Variants in RAPGEF5 observed in about 807,000 individuals in gnomAD.
RAPGEF5 encodes Rap guanine nucleotide exchange factor 5, also known as M-Ras-regulated GEF.
RAPGEF5 carries 65 observed loss-of-function variants against 125.2 expected under a neutral mutation model. The ratio of observed to expected loss-of-function variants is 0.52; its 90% CI spans 0.43 to 0.64. The LOEUF (loss-of-function observed/expected upper bound fraction) is 0.64. RAPGEF5 is among the 30% of genes least tolerant of loss of function. The pLI is 0.00. For synonymous variants in RAPGEF5, 391 were observed against 385.9 expected (o/e 1.01, Z -0.16); for missense variants, 958 against 1,048.1 (o/e 0.91, Z 1.19).
intron 9 of RAPGEF5, among the ~76,000 whole-genome samples, chr7:22,213,022 C>T (rs1219720603): frequency 1.3e-5 from 2 of 152,168 alleles, no homozygotes. Flanking sequence ...CCTTTGATAA[C>T]ATGAGTTTGA....
rs1331681666 is a variant in RAPGEF5, at chr7:22,154,439, G to A, written c.1786+16C>T. 2.7e-5 allele frequency: 43 copies of A among 1,612,444 alleles called. No individual in the cohort carries two copies. The highest frequency in any genetic ancestry group is 3.6e-5 in the Non-Finnish European group (42 of 1,179,320). ...ATCAGTGAAAGATTAATATTCAAGG[G>A]TAGAAAACAACTTACCCCCAGAGAA... On this transcript the variant is annotated intron_variant, in intron 17 of 25. Transcript: ENST00000665637.
At chr7:22,323,741 T>C (rs1040806538) in intron 1 of RAPGEF5, among the ~76,000 whole-genome samples, 2 of 152,186 alleles carry the variant, frequency 1.3e-5, no homozygotes, top group African/African-American at 4.8e-5. Flanking sequence ...AAATCTGGGA[T>C]GATTTGAACA....
intron 9 of RAPGEF5, among the ~76,000 whole-genome samples, chr7:22,196,234 C>T (rs1049619155): frequency 2.6e-5 from 4 of 152,148 alleles, no homozygotes; most frequent in Non-Finnish European, 5.9e-5. Context: ...TTACATCTGG[C>T]TCTCAAGAAG....
chr7:22,256,346 C>T (rs1261235232), intron 7 of RAPGEF5, among the ~76,000 whole-genome samples: 1 of 151,880 alleles, frequency 6.6e-6, no homozygotes, highest in Non-Finnish European at 1.5e-5. Flanking sequence ...TAAAATAGTC[C>T]CAAGGTTGTG....
chr7:22,190,418 G>A (rs1156866173), intron 11 of RAPGEF5, among the ~76,000 whole-genome samples: 9 of 152,184 alleles, frequency 5.9e-5, no homozygotes, highest in Admixed American at 2.6e-4. Flanking sequence ...GTGTGTGCGA[G>A]TCAACTCATT....
At position 22,219,876 on chromosome 7, in the gene RAPGEF5, T is replaced by G. The variant is rs774728114; in HGVS notation, c.986A>C (p.Lys329Thr). Residue 329 changes from lysine to threonine, a missense_variant, in exon 9 of 26, where the codon AAG (lysine) becomes ACG (threonine). By Grantham distance (78) the Lys-to-Thr change is moderately conservative. Coordinates refer to ENST00000665637, the MANE Select transcript of RAPGEF5 (RefSeq NM_012294.5). ...AGGCAAAAGGCTTACGTGTTCAGACTTCTCCTGTTCTTTTTTGTCCGTCTG... is the reference window on the plus strand; with the variant it reads ...AGGCAAAAGGCTTACGTGTTCAGACGTCTCCTGTTCTTTTTTGTCCGTCTG... Reference protein sequence around the residue: ...FLQTDKKEQEKSEHQDDEVTT... With the variant: ...FLQTDKKEQETSEHQDDEVTT... 4.3e-6 allele frequency: 7 copies of G among 1,611,836 alleles called. No homozygotes were observed.
chr7:22,281,136 G>C (rs1367436168), intron 6 of RAPGEF5, among the ~76,000 whole-genome samples: 2 of 152,054 alleles, frequency 1.3e-5, no homozygotes, highest in African/African-American at 2.4e-5. Flanking sequence ...AGGGTTCTGG[G>C]GTCTCTGAGC....
chr7:22,214,055 C>G (rs1287658529), intron 9 of RAPGEF5, among the ~76,000 whole-genome samples: 1 of 152,180 alleles, frequency 6.6e-6, no homozygotes, highest in Admixed American at 6.5e-5. Flanking sequence ...CCAGAATACT[C>G]CAAACCACTT....
intron 9 of RAPGEF5, 105 bp from the exon 10 acceptor site, chr7:22,194,138 T>G (rs1785091853): frequency 2.1e-6 from 2 of 964,528 alleles, no homozygotes; most frequent in African/African-American, 3.3e-5. Flanking sequence ...CTAGAGTTGC[T>G]TTACAGTATC....
intron 4 of RAPGEF5, among the ~76,000 whole-genome samples, chr7:22,309,249 G>A (rs894535637): frequency 1.3e-5 from 2 of 152,098 alleles, no homozygotes; most frequent in Non-Finnish European, 2.9e-5. Flanking sequence ...AAGAGTATTC[G>A]GTGCTAGGTA....
Position 22,131,100 on chromosome 7 carries a change from A to T in RAPGEF5, c.2418T>A (p.Asp806Glu). The change falls in exon 24 of 26, where the codon GAT (aspartate) becomes GAA (glutamate). Residue 806 changes from aspartate to glutamate, a missense_variant and splice_region_variant. Asp to Glu is a conservative substitution (Grantham distance 45). Coordinates refer to ENST00000665637, the MANE Select transcript of RAPGEF5 (RefSeq NM_012294.5). ...KIPFMPLLLK[D>E]VTFIHEGNKT... is the part of the protein sequence containing the mutation. ...TATTTCCTTCATGAATAAATGTTAC[A>T]TCTGAAAATTAAAAACAAAAAGATG... 1 of 1,530,070 alleles carries T rather than the reference A, an allele frequency of 6.5e-7. No individual in the cohort carries two copies. Among genetic ancestry groups the T allele is most frequent in the Non-Finnish European group, 8.8e-7 (1 of 1,138,858 alleles). The allele number at this position is 1,530,070 out of a possible 1,614,324, so 94.8% of individuals were successfully genotyped here. A position where few individuals can be genotyped will look rare whatever the true frequency, so the allele number is the denominator to read the frequency against.
chr7:22,279,354 T>G (rs950544472), intron 6 of RAPGEF5, among the ~76,000 whole-genome samples: 8 of 152,220 alleles, frequency 5.3e-5, no homozygotes, highest in African/African-American at 1.7e-4. Context: ...CAAATTAAAT[T>G]AAAATGGTGC....
intron 1 of RAPGEF5, among the ~76,000 whole-genome samples, chr7:22,320,370 A>G (rs1783691213): frequency 6.6e-6 from 1 of 152,174 alleles, no homozygotes; most frequent in Admixed American, 6.5e-5. Context: ...GACCCAAAAT[A>G]GCAAGGGCCA....
In RAPGEF5 at chr7:22,135,972, C is replaced by T. The variant is rs553160334; in HGVS notation, c.2416+66G>A. ...AAAATGAGAGTCCCTTTTTTGCCCT[C>T]AATAGTTACAGTAATAAATTTCTGA... On this transcript the variant is annotated intron_variant, in intron 23 of 25. Transcript: ENST00000665637. 9.1e-4 allele frequency: 1,212 copies of T among 1,329,700 alleles called. 1 individual carries two copies. The highest frequency in any genetic ancestry group is 1.2e-3 in the Non-Finnish European group (1,134 of 952,678). 82.4% of individuals were successfully genotyped at this position (1,329,700 alleles called of 1,614,324 possible).
intron 9 of RAPGEF5, among the ~76,000 whole-genome samples, chr7:22,217,135 T>C (rs190952388): frequency 6.6e-6 from 1 of 152,354 alleles, no homozygotes; most frequent in East Asian, 1.9e-4. Flanking sequence ...ATTTTATCAC[T>C]GTCGACTTAA....
intron 5 of RAPGEF5, among the ~76,000 whole-genome samples, chr7:22,293,913 C>T (rs1162416904): frequency 9.2e-5 from 14 of 152,198 alleles, no homozygotes; most frequent in Admixed American, 9.2e-4. Context: ...ACCAGACTCT[C>T]TTTTCTCCAG....
intron 11 of RAPGEF5, among the ~76,000 whole-genome samples, chr7:22,167,777 T>C (rs1481671829): frequency 2.0e-5 from 3 of 152,254 alleles, no homozygotes; most frequent in African/African-American, 7.2e-5. Context: ...AACATACTTC[T>C]TCCTAATTTC....
intron 9 of RAPGEF5, among the ~76,000 whole-genome samples, chr7:22,214,948 T>C (rs1011153909): frequency 1.3e-5 from 2 of 152,324 alleles, no homozygotes; most frequent in Middle Eastern, 3.4e-3. Context: ...CAGATTGAAA[T>C]AATATAATTT....
intron 6 of RAPGEF5, among the ~76,000 whole-genome samples, chr7:22,278,678 T>C (rs1425628407): frequency 6.6e-6 from 1 of 150,838 alleles, no homozygotes. Context: ...TTAGGAAAAG[T>C]ATTGGTATCA....
Sources: allele counts gnomAD v4.1 joint callset (sites outside exome capture counted in the v4.1 genomes callset), GRCh38; gene constraint gnomAD v4.1.1; transcripts MANE v1.5; gene names NCBI Gene and HGNC (gene_info 2026-07-23, HGNC 2026-07-21).